Variants in SPECC1 observed in about 807,000 individuals in gnomAD.
SPECC1 encodes cytospin-B.
In SPECC1, 62 loss-of-function variants were observed where a neutral mutation model predicts 104.1. The ratio of observed to expected loss-of-function variants is 0.60; its 90% CI spans 0.49 to 0.74. The LOEUF is 0.74. SPECC1 is among the 30% of genes least tolerant of loss of function. SPECC1 has a pLI of 0.00. For synonymous variants in SPECC1, 513 were observed against 501.6 expected (o/e 1.02, Z -0.30); for missense variants, 1,306 against 1,310.5 (o/e 1.00, Z 0.05).
chr17:20,243,096 C>T (rs1455432779), intron 7 of SPECC1, among the ~76,000 whole-genome samples: 1 of 152,152 alleles, frequency 6.6e-6, no homozygotes, highest in Non-Finnish European at 1.5e-5. Flanking sequence ...TGTTTGTAAA[C>T]AGTCATGTTT....
At chr17:20,046,255 T>G (rs533587116) in intron 1 of SPECC1, among the ~76,000 whole-genome samples, 2 of 152,272 alleles carry the variant, frequency 1.3e-5, no homozygotes, top group African/African-American at 4.8e-5. Flanking sequence ...AGAGTTTTTG[T>G]TATTATTATC....
Position 20,108,886 on chromosome 17 carries a change from T to C in SPECC1, c.148-1541T>C, listed in dbSNP as rs76763891. Among the ~76,000 whole-genome samples the C allele has an allele frequency of 3.0e-3, 456 of 152,330 alleles. 18 individuals carry two copies. In the East Asian group the frequency reaches 0.085, roughly 28 times the overall value. On this transcript the variant is annotated intron_variant, in intron 2 of 14. Transcript: ENST00000395527. ...GTCTCCCTTCTTCGACTTACTGCCT[T>C]TCAGCAAATGTTTGTCCTACCCCTT...
chr17:20,156,050 T>G (rs1778780582), intron 3 of SPECC1: 1 of 1,282,590 alleles, frequency 7.8e-7, no homozygotes, highest in East Asian at 3.2e-5. Context: ...CGGCAGCTGC[T>G]GGGAACTGGA....
intron 12 of SPECC1, among the ~76,000 whole-genome samples, chr17:20,286,357 A>G (rs189115362): frequency 1.7e-3 from 260 of 152,274 alleles, no homozygotes; most frequent in African/African-American, 5.8e-3. Flanking sequence ...GGTTCTTTTG[A>G]TGAACCTCTG....
rs1003081864 is a variant in SPECC1 at position 20,054,873 on chromosome 17, G to A, written c.-21-41758G>A. On this transcript the variant is annotated intron_variant, in intron 1 of 14. Coordinates refer to ENST00000395527, the MANE Select transcript of SPECC1 (RefSeq NM_001243439.2). ...TCACCATGTTACCCAGGCTAGTCTC[G>A]AACTCCTGGGCTTGATATTCTTTTT... 9.9e-5 allele frequency among the ~76,000 whole-genome samples: 15 copies of A among 152,164 alleles called. No individual in the cohort carries two copies. The East Asian group carries it at 1.4e-3, about 14-fold the overall frequency.
intron 1 of SPECC1, among the ~76,000 whole-genome samples, chr17:20,049,742 C>T (rs1465748578): frequency 6.6e-6 from 1 of 152,082 alleles, no homozygotes; most frequent in Non-Finnish European, 1.5e-5. Context: ...ATTCCCCATC[C>T]TAAGAGTCCG....
chr17:20,199,213 A>G (rs2036240549), intron 3 of SPECC1, among the ~76,000 whole-genome samples: 1 of 149,954 alleles, frequency 6.7e-6, no homozygotes, highest in African/African-American at 2.5e-5. Context: ...CAGCCTCCCA[A>G]GTAGCTGGAG....
chr17:20,238,179 G>C (rs773534408), intron 7 of SPECC1: 21 of 1,035,352 alleles, frequency 2.0e-5, no homozygotes, highest in Non-Finnish European at 2.3e-5. Context: ...TGATCATAAA[G>C]GATGTTATTA....
chr17:20,050,002 A>G (rs189925324), intron 1 of SPECC1, among the ~76,000 whole-genome samples: 40 of 152,004 alleles, frequency 2.6e-4, no homozygotes, highest in African/African-American at 8.9e-4. Context: ...TTTTTAGTAG[A>G]GATGGGGTTT....
At chr17:20,209,435 G>A (rs778590669) in intron 4 of SPECC1, among the ~76,000 whole-genome samples, 2 of 152,094 alleles carry the variant, frequency 1.3e-5, no homozygotes, top group Admixed American at 6.6e-5. Context: ...CCCAGATACC[G>A]TCAAAAGAAC....
chr17:20,315,286 A>C lies in SPECC1; in HGVS notation c.*1221A>C. 1 of 232,412 alleles carries C rather than the reference A, an allele frequency of 4.3e-6. No homozygotes were observed. Among genetic ancestry groups the C allele is most frequent in the Non-Finnish European group, 8.5e-6 (1 of 117,524 alleles). 14.4% of individuals were successfully genotyped at this position (232,412 alleles called of 1,614,324 possible). On this transcript the variant is annotated 3_prime_UTR_variant, in exon 15 of 15. Coordinates refer to ENST00000395527, the MANE Select transcript of SPECC1 (RefSeq NM_001243439.2). The stretch of plus-strand genomic sequence containing the variant: ...AGGGGTGGGCGGTGAGGGCACATTT[A>C]TAACTAACAAAGAAGAATGCAGTTG...
rs777349806 is a variant in SPECC1 at position 20,227,657 on chromosome 17, A to G, written c.2071+37A>G. 6.9e-6 allele frequency: 11 copies of G among 1,590,590 alleles called. No homozygotes were observed. The African/African-American group carries it at 8.1e-5, about 12-fold the overall frequency. On this transcript the variant is annotated intron_variant, in intron 5 of 14. Coordinates refer to ENST00000395527, the MANE Select transcript of SPECC1 (RefSeq NM_001243439.2). ...CTGCCAGGCATGGTGGCTCACACCTATAATCCCAGCACTTTGGGAGGCTGA... is the reference window on the plus strand; with the variant it reads ...CTGCCAGGCATGGTGGCTCACACCTGTAATCCCAGCACTTTGGGAGGCTGA...
intron 3 of SPECC1, among the ~76,000 whole-genome samples, chr17:20,173,370 G>A (rs11870578): frequency 0.041 from 6,296 of 152,292 alleles, 154 homozygotes; most frequent in Middle Eastern, 0.065. Context: ...TTTATTATCT[G>A]TGAGACAGCT....
chr17:20,294,863 G>T (rs2041295029), intron 12 of SPECC1, among the ~76,000 whole-genome samples: 1 of 152,090 alleles, frequency 6.6e-6, no homozygotes, highest in Non-Finnish European at 1.5e-5. Flanking sequence ...CTACTGTTTT[G>T]AGCACTGAAG....
At chr17:20,236,640 G>A (rs2038930165) in intron 7 of SPECC1, among the ~76,000 whole-genome samples, 1 of 147,722 alleles carries the variant, frequency 6.8e-6, no homozygotes, top group Non-Finnish European at 1.5e-5. Context: ...CCTAGTACAG[G>A]CATTTGCAGT....
At chr17:20,185,193 ACT>A (rs2035178774) in intron 3 of SPECC1, 4 of 152,010 alleles carry the variant, frequency 2.6e-5, no homozygotes, top group Admixed American at 6.5e-5. Flanking sequence ...TGAGGCTGTG[ACT>A]CTCCCTTGTC....
intron 3 of SPECC1, among the ~76,000 whole-genome samples, chr17:20,193,035 G>A (rs1298252924): frequency 6.6e-6 from 1 of 152,172 alleles, no homozygotes; most frequent in Non-Finnish European, 1.5e-5. Flanking sequence ...AGGGCTGCTG[G>A]TTGCCCATTT....
intron 1 of SPECC1, among the ~76,000 whole-genome samples, chr17:20,063,733 T>G (rs1458425072): frequency 6.6e-6 from 1 of 152,080 alleles, no homozygotes; most frequent in African/African-American, 2.4e-5. Flanking sequence ...AAGAAATGAG[T>G]CAGGAATCAG....
chr17:20,248,547 AT>A (rs1367347834), intron 9 of SPECC1, among the ~76,000 whole-genome samples: 1 of 152,176 alleles, frequency 6.6e-6, no homozygotes, highest in Non-Finnish European at 1.5e-5. Flanking sequence ...TTTTCCAAGA[AT>A]TTTGACACTG....
Sources: allele counts gnomAD v4.1 joint callset (sites outside exome capture counted in the v4.1 genomes callset), GRCh38; gene constraint gnomAD v4.1.1; transcripts MANE v1.5; gene names NCBI Gene and HGNC (gene_info 2026-07-23, HGNC 2026-07-21).